Variants in PLA2G4A observed in about 807,000 individuals in gnomAD.
The protein encoded by PLA2G4A is cytosolic phospholipase A2.
PLA2G4A carries 40 observed loss-of-function variants against 81.9 expected under a neutral mutation model. The ratio of observed to expected loss-of-function variants is 0.49; its 90% confidence interval spans 0.38 to 0.64. The LOEUF (loss-of-function observed/expected upper bound fraction) is 0.64, where lower values mean the gene tolerates loss of function less well. Among genes scored for constraint, PLA2G4A ranks in the 30% least tolerant of loss-of-function variants. PLA2G4A has a pLI of 0.00. For missense variants in PLA2G4A, 715 were observed against 905.1 expected (o/e 0.79, Z 2.69); for synonymous variants, 302 against 296.9 (o/e 1.02, Z -0.18).
intron 5 of PLA2G4A, among the ~76,000 whole-genome samples, chr1:186,905,667 G>A (rs1371887978): frequency 6.6e-6 from 1 of 151,728 alleles, no homozygotes. Context: ...ATTTCTTGAT[G>A]AGAAAAGATT....
intron 5 of PLA2G4A, among the ~76,000 whole-genome samples, chr1:186,904,399 T>C (rs1018878740): frequency 6.6e-6 from 1 of 152,226 alleles, no homozygotes; most frequent in Non-Finnish European, 1.5e-5. Flanking sequence ...GGAAGAAGTT[T>C]ACAGTAATTG....
In PLA2G4A at chr1:186,979,046, A is replaced by G. The variant is rs545282945; in HGVS notation, c.1961-269A>G. 5.9e-5 allele frequency among the ~76,000 whole-genome samples: 9 copies of G among 152,298 alleles called. No homozygotes were observed. In the East Asian group the frequency reaches 1.7e-3, roughly 29 times the overall value. On this transcript the variant is annotated intron_variant, in intron 16 of 17. Transcript: ENST00000367466. ...CTGGGGAACAGTGTTATTTAACAGA[A>G]TTTCCAGCCTGCTGTGAGTGGGTCA...
intron 17 of PLA2G4A, among the ~76,000 whole-genome samples, chr1:186,985,755 C>T (rs563156392): frequency 6.6e-6 from 1 of 152,044 alleles, no homozygotes; most frequent in African/African-American, 2.4e-5. Context: ...GGTGGTGAGG[C>T]TGGAGAAGGT....
At chr1:186,976,847 G>A (rs1166014148) in intron 15 of PLA2G4A, among the ~76,000 whole-genome samples, 5 of 152,206 alleles carry the variant, frequency 3.3e-5, no homozygotes, top group East Asian at 1.9e-4. Flanking sequence ...CTGCGAACAC[G>A]TATTTCTTGG....
intron 7 of PLA2G4A, among the ~76,000 whole-genome samples, chr1:186,930,852 A>T (rs1378337820): frequency 6.6e-6 from 1 of 152,168 alleles, no homozygotes; most frequent in African/African-American, 2.4e-5. Flanking sequence ...CAAATTGCAT[A>T]CCCTTTCCTG....
In PLA2G4A at chr1:186,940,073, G is replaced by A. The variant is rs1424848226; in HGVS notation, c.1012G>A (p.Val338Ile). The A allele has an allele frequency of 5.0e-6, 8 of 1,595,668 alleles. No individual in the cohort carries two copies. The highest frequency in any genetic ancestry group is 5.2e-6 in the Non-Finnish European group (6 of 1,163,310). ...CACCTGTCTTCATGTCAAACCTGAC[G>A]TTTCAGAGCTGATGTTTGCAGGTAT... ...LFTCLHVKPD[V>I]SELMFADWVE... The change falls in exon 10 of 18, where the codon GTT becomes ATT. Residue 338 changes from valine (V) to isoleucine (I), a missense_variant. Physicochemically the swap from Val to Ile is conservative, Grantham distance 29 (BLOSUM62 3). Transcript: ENST00000367466.
rs1648101009 is a variant in PLA2G4A, at chr1:186,893,276, C to A, written c.264+117C>A. 6 of 868,412 alleles carry A rather than the reference C, an allele frequency of 6.9e-6. No individual in the cohort carries two copies. The Admixed American group carries it at 8.5e-5, about 12-fold the overall frequency. The allele number at this position is 868,412 out of a possible 1,614,324, so 53.8% of individuals were successfully genotyped here. On this transcript the variant is annotated intron_variant, in intron 4 of 17. Coordinates refer to ENST00000367466, the MANE Select transcript of PLA2G4A (RefSeq NM_024420.3). ...TAGCTATAGTTGGAGTTAGACTGGG[C>A]AGCTTGGTAGACTAGAATCTAAATG...
chr1:186,863,062 C>T (rs1436111439), intron 2 of PLA2G4A, among the ~76,000 whole-genome samples: 1 of 152,136 alleles, frequency 6.6e-6, no homozygotes, highest in Non-Finnish European at 1.5e-5. Context: ...ATATTATAGT[C>T]ACTATAAACT....
chr1:186,953,861 A>G (rs1656650473), intron 13 of PLA2G4A, among the ~76,000 whole-genome samples: 1 of 152,220 alleles, frequency 6.6e-6, no homozygotes, highest in Admixed American at 6.5e-5. Flanking sequence ...CGACAGCCCC[A>G]AAATCTTTGG....
chr1:186,967,069 C>A (rs1314287325), intron 15 of PLA2G4A, among the ~76,000 whole-genome samples: 1 of 152,128 alleles, frequency 6.6e-6, no homozygotes, highest in African/African-American at 2.4e-5. Context: ...TGGAACAGTT[C>A]ATGATCTCCT....
intron 1 of PLA2G4A, among the ~76,000 whole-genome samples, chr1:186,838,379 C>G (rs550308251): frequency 2.0e-4 from 31 of 152,154 alleles, no homozygotes; most frequent in African/African-American, 7.0e-4. Flanking sequence ...AAAAACAACC[C>G]AAACCAAAAC....
chr1:186,915,904 A>G lies in PLA2G4A; in HGVS notation c.558+4515A>G, dbSNP rs537728262. ...ATATTGTCCAGTAATTGAGGGTTTT[A>G]GGACCCAGAAATTATCAGGGTAATT... On this transcript the variant is annotated intron_variant, in intron 7 of 17. Coordinates refer to ENST00000367466, the MANE Select transcript of PLA2G4A (RefSeq NM_024420.3). Among the ~76,000 whole-genome samples, 15 of 152,236 alleles carry G rather than the reference A, an allele frequency of 9.9e-5. No individual in the cohort carries two copies. The South Asian group carries it at 3.1e-3, about 32-fold the overall frequency.
At chr1:186,945,356 G>A (rs1307088112) in intron 10 of PLA2G4A, among the ~76,000 whole-genome samples, 2 of 152,148 alleles carry the variant, frequency 1.3e-5, no homozygotes, top group African/African-American at 4.8e-5. Context: ...GGCCAGGACG[G>A]AAACTTGTCG....
intron 3 of PLA2G4A, among the ~76,000 whole-genome samples, chr1:186,874,514 C>G (rs927794105): frequency 6.6e-6 from 1 of 151,960 alleles, no homozygotes; most frequent in African/African-American, 2.4e-5. Context: ...TGATTAAATA[C>G]CACAGAATAT....
intron 1 of PLA2G4A, among the ~76,000 whole-genome samples, chr1:186,853,378 T>C (rs1296992552): frequency 6.6e-6 from 1 of 151,924 alleles, no homozygotes; most frequent in Admixed American, 6.6e-5. Flanking sequence ...TATTCTTTGT[T>C]CACTTCAGCA....
At chr1:186,953,961 T>C (rs1656655263) in intron 13 of PLA2G4A, among the ~76,000 whole-genome samples, 1 of 152,204 alleles carries the variant, frequency 6.6e-6, no homozygotes, top group Non-Finnish European at 1.5e-5. Flanking sequence ...AAAGACATAT[T>C]TTGTCCTGTT....
chr1:186,889,807 C>T (rs192344374), intron 3 of PLA2G4A, among the ~76,000 whole-genome samples: 3 of 152,226 alleles, frequency 2.0e-5, no homozygotes, highest in Non-Finnish European at 1.5e-5. Context: ...CTCCCTCCCT[C>T]ACTCTTGCAC....
intron 14 of PLA2G4A, among the ~76,000 whole-genome samples, chr1:186,961,226 G>T (rs182467988): frequency 7.9e-5 from 12 of 152,222 alleles, no homozygotes; most frequent in Non-Finnish European, 1.5e-4. Context: ...CTTGCTCAAA[G>T]GGTAGAAAGT....
intron 2 of PLA2G4A, among the ~76,000 whole-genome samples, chr1:186,869,892 G>A (rs577164174): frequency 4.6e-5 from 7 of 152,276 alleles, no homozygotes; most frequent in Admixed American, 2.0e-4. Flanking sequence ...CAAGGTGTTA[G>A]GCTAATAGCA....
Sources: gnomAD v4.1 joint callset for allele counts (sites outside exome capture counted in the v4.1 genomes callset) on GRCh38, gnomAD v4.1.1 for gene constraint, MANE v1.5 for transcripts, NCBI Gene and HGNC (gene_info 2026-07-23, HGNC 2026-07-21) for gene names.